Variants in SLC8A1 observed in about 807,000 individuals in gnomAD.
SLC8A1 encodes the protein sodium/calcium exchanger 1.
Under a neutral mutation model 68.3 loss-of-function variants are expected in SLC8A1, and 18 were observed. That is an observed-to-expected ratio of 0.26 (90% confidence interval 0.18 to 0.39). The LOEUF (loss-of-function observed/expected upper bound fraction) is 0.39. Among genes scored for constraint, SLC8A1 ranks in the 10% least tolerant of loss-of-function variants. SLC8A1 has a pLI of 1.00. For synonymous variants in SLC8A1, 475 were observed against 415.5 expected (o/e 1.14, Z -1.74); for missense variants, 985 against 1,156.7 (o/e 0.85, Z 2.15).
intron 1 of SLC8A1, among the ~76,000 whole-genome samples, chr2:40,490,515 G>A (rs1252131646): frequency 2.0e-5 from 3 of 151,972 alleles, no homozygotes; most frequent in Admixed American, 6.6e-5. Flanking sequence ...AATAAGTTTC[G>A]AGGAAACAAA....
chr2:40,337,346 C>G (rs1423639965), intron 2 of SLC8A1: 1 of 349,468 alleles, frequency 2.9e-6, no homozygotes, highest in Admixed American at 2.4e-5. Context: ...CATACTACTA[C>G]TCAAGACAGC....
intron 2 of SLC8A1, among the ~76,000 whole-genome samples, chr2:40,360,565 A>G (rs1674304565): frequency 6.6e-6 from 1 of 152,152 alleles, no homozygotes; most frequent in East Asian, 1.9e-4. Context: ...TTTATGCCTC[A>G]TTCTCAGCAA....
chr2:40,294,026 A>G (rs994392221), intron 2 of SLC8A1, among the ~76,000 whole-genome samples: 4 of 152,108 alleles, frequency 2.6e-5, no homozygotes, highest in Admixed American at 2.0e-4. Context: ...AGTTTTCAAT[A>G]AAGCTATGAA....
chr2:40,443,569 T>C (rs972367483), intron 1 of SLC8A1, among the ~76,000 whole-genome samples: 2 of 152,154 alleles, frequency 1.3e-5, no homozygotes, highest in Admixed American at 1.3e-4. Context: ...AAAAGTAGCT[T>C]CTATAATTTA....
At chr2:40,370,936 G>C (rs925770693) in intron 2 of SLC8A1, among the ~76,000 whole-genome samples, 6 of 152,018 alleles carry the variant, frequency 3.9e-5, no homozygotes, top group African/African-American at 1.4e-4. Context: ...GCATGACTTA[G>C]TACACTAGTT....
chr2:40,275,232 G>A (rs1029123515), intron 2 of SLC8A1, among the ~76,000 whole-genome samples: 1 of 152,142 alleles, frequency 6.6e-6, no homozygotes, highest in South Asian at 2.1e-4. Context: ...TACCTTTGCA[G>A]GTAAGTAACT....
At chr2:40,218,864 C>T (rs1417384893) in intron 2 of SLC8A1, among the ~76,000 whole-genome samples, 2 of 152,114 alleles carry the variant, frequency 1.3e-5, no homozygotes, top group Non-Finnish European at 2.9e-5. Flanking sequence ...GGGCTCACCC[C>T]GAGGCTAATA....
chr2:40,366,802 T>A lies in SLC8A1; in HGVS notation c.1808+61671A>T, dbSNP rs11898616. Among the ~76,000 whole-genome samples the A allele has an allele frequency of 6.7e-3, 1,011 of 152,006 alleles. 15 individuals are homozygous for A. Among genetic ancestry groups the A allele is most frequent in the African/African-American group, 0.023 (942 of 41,530 alleles). On this transcript the variant is annotated intron_variant, in intron 2 of 7. Transcript: ENST00000406785. The stretch of plus-strand genomic sequence containing the variant: ...TTTTCACAAATGCCATTTGAAAATG[T>A]TGATGAAAATATACTTTACATTTTA...
chr2:40,133,418 C>G (rs1204419364), intron 7 of SLC8A1, among the ~76,000 whole-genome samples: 1 of 150,632 alleles, frequency 6.6e-6, no homozygotes, highest in Non-Finnish European at 1.5e-5. Context: ...GAAACCAAAA[C>G]CATCTATTTC....
intron 2 of SLC8A1, among the ~76,000 whole-genome samples, chr2:40,295,366 G>C (rs868402380): frequency 1.4e-4 from 22 of 152,076 alleles, no homozygotes; most frequent in African/African-American, 4.8e-4. Flanking sequence ...GCCTCCCACA[G>C]TGTTGAGATT....
chr2:40,176,745 A>G (rs964631776), intron 3 of SLC8A1, among the ~76,000 whole-genome samples: 1 of 152,212 alleles, frequency 6.6e-6, no homozygotes, highest in Non-Finnish European at 1.5e-5. Context: ...GTAAAAGCAT[A>G]AATTTCTTAC....
chr2:40,222,078 A>C (rs2058407155), intron 2 of SLC8A1, among the ~76,000 whole-genome samples: 1 of 152,232 alleles, frequency 6.6e-6, no homozygotes, highest in African/African-American at 2.4e-5. Flanking sequence ...CCTAAGCAGA[A>C]AGAACAAAGC....
At chr2:40,361,653 G>T (rs1674667102) in intron 2 of SLC8A1, among the ~76,000 whole-genome samples, 1 of 151,930 alleles carries the variant, frequency 6.6e-6, no homozygotes, top group African/African-American at 2.4e-5. Context: ...ACTAAGAGCA[G>T]CACGATGCTT....
chr2:40,098,289 CTAAT>C (rs1413107769), exon 8 of SLC8A1: 2 of 152,036 alleles, frequency 1.3e-5, no homozygotes, highest in South Asian at 2.1e-4. Flanking sequence ...CAAATAAAAT[CTAAT>C]TATTTTAAAA....
intron 2 of SLC8A1, among the ~76,000 whole-genome samples, chr2:40,418,373 C>T (rs1483353811): frequency 3.3e-5 from 5 of 152,046 alleles, no homozygotes; most frequent in Admixed American, 3.3e-4. Flanking sequence ...AGAAACAACC[C>T]ACAAAGGGTT....
intron 2 of SLC8A1, among the ~76,000 whole-genome samples, chr2:40,349,580 A>AC (rs1397711417): frequency 6.6e-6 from 1 of 152,072 alleles, no homozygotes; most frequent in Non-Finnish European, 1.5e-5. Flanking sequence ...AAGAGTATCT[A>AC]CCTCACAGGG....
At chr2:40,489,373 T>C (rs534199385) in intron 1 of SLC8A1, among the ~76,000 whole-genome samples, 18 of 152,104 alleles carry the variant, frequency 1.2e-4, no homozygotes, top group African/African-American at 3.9e-4. Context: ...ACATGCCATA[T>C]AGACGAGGTA....
chr2:40,428,776 G>C, exon 2 of SLC8A1: 1 of 1,613,838 alleles, frequency 6.2e-7, no homozygotes, highest in Non-Finnish European at 8.5e-7. Flanking sequence ...TGAAGCTTCA[G>C]AAGATACTTT....
chr2:40,268,724 CA>C (rs928357529), intron 2 of SLC8A1, among the ~76,000 whole-genome samples: 10 of 152,092 alleles, frequency 6.6e-5, no homozygotes, highest in African/African-American at 2.2e-4. Context: ...CCAAAGTCCT[CA>C]AAGGGCTCCT....
Sources: gnomAD v4.1 joint callset for allele counts (sites outside exome capture counted in the v4.1 genomes callset) on GRCh38, gnomAD v4.1.1 for gene constraint, MANE v1.5 for transcripts, NCBI Gene and HGNC (gene_info 2026-07-23, HGNC 2026-07-21) for gene names.